RYR1: variants seen among roughly 807,000 people sequenced by gnomAD.
RYR1 encodes central core disease of muscle.
Under a neutral mutation model 583.5 loss-of-function variants are expected in RYR1, and 342 were observed. That is an observed-to-expected ratio of 0.59 (90% CI 0.54 to 0.64). The LOEUF is 0.64. Among genes scored for constraint, RYR1 ranks in the 30% least tolerant of loss-of-function variants. The pLI is 0.00. For missense variants in RYR1, 6,032 were observed against 6,917.2 expected, an observed-to-expected ratio of 0.87 and a Z score of 4.54; for synonymous variants, 2,791 against 2,822.5, an observed-to-expected ratio of 0.99 and a Z score of 0.35.
Position 38,500,087 on chromosome 19 carries a change from A to G in RYR1, c.7323+71A>G. ...GCCGCTTTGAACGCCTCATGCAGGC[A>G]CTCGGTGACACGGAGTGAGCTCCCA... is the stretch of plus-strand genomic sequence containing the variant. On this transcript the variant is annotated intron_variant, in intron 45 of 105. Transcript: ENST00000359596. The surrounding 1 kb of genome is among the most constrained non-coding windows in gnomAD (Gnocchi z 5.9). 7.6e-7 allele frequency: 1 copy of G among 1,322,822 alleles called. No individual in the cohort carries two copies. Among genetic ancestry groups the G allele is most frequent in the South Asian group, 1.2e-5 (1 of 83,728 alleles). The allele number at this position is 1,322,822 out of a possible 1,614,324, so 81.9% of individuals were successfully genotyped here.
intron 64 of RYR1, 34 bp downstream of exon 64, chr19:38,515,141 G>A: frequency 7.1e-7 from 1 of 1,402,062 alleles, no homozygotes; most frequent in South Asian, 1.2e-5. Context: ...GGGGCTGGGT[G>A]GGGCTGGAGG....
At chr19:38,508,332 C>G (rs1970573333) in intron 58 of RYR1, among the ~76,000 whole-genome samples, 1 of 152,136 alleles carries the variant, frequency 6.6e-6, no homozygotes, top group African/African-American at 2.4e-5. Context: ...GCCTCAGCCT[C>G]CTGAGTAGCT....
Position 38,527,710 on chromosome 19 carries a change from G to A in RYR1, c.10750G>A (p.Glu3584Lys), listed in dbSNP as rs1600930723. The change falls in exon 73 of 106, where the codon GAG (glutamate) becomes AAG (lysine). Residue 3584 changes from glutamate (E) to lysine (K), a missense_variant. Transcript: ENST00000359596. The part of the protein sequence containing the change: ...ALYRGVPGRE[E>K]DADDPEKIVR... ...GTACCGGGGCGTCCCGGGTCGCGAG[G>A]AGGACGCCGATGACCCCGAGAAAAT... The A allele has an allele frequency of 1.2e-6, 2 of 1,614,142 alleles. No individual in the cohort carries two copies. The highest frequency in any genetic ancestry group is 1.6e-4 in the Middle Eastern group (1 of 6,062).
chr19:38,557,666 T>C (rs1048061993), intron 89 of RYR1, among the ~76,000 whole-genome samples: 1 of 152,156 alleles, frequency 6.6e-6, no homozygotes, highest in Non-Finnish European at 1.5e-5. Context: ...TAGCTAGGCA[T>C]GGTGGCCTAT....
chr19:38,566,692 C>T (rs1048476942), intron 91 of RYR1, among the ~76,000 whole-genome samples: 2 of 151,976 alleles, frequency 1.3e-5, no homozygotes, highest in Admixed American at 6.6e-5. Flanking sequence ...GGAGTCAGCC[C>T]GACCCTGCGC....
In RYR1 at chr19:38,535,298, CT is replaced by C. The variant is rs1971917941; in HGVS notation, c.11440-17del. The C allele has an allele frequency of 6.2e-7, 1 of 1,613,886 alleles. No individual in the cohort carries two copies. Among genetic ancestry groups the C allele is most frequent in the Non-Finnish European group, 8.5e-7 (1 of 1,179,856 alleles). On this transcript the variant is annotated splice_polypyrimidine_tract_variant and intron_variant, in intron 80 of 105. Coordinates refer to ENST00000359596, the MANE Select transcript of RYR1 (RefSeq NM_000540.3). ...TGTGTGACTCCCAGTTTCTCCTCCC[CT>C]GCCTCGCCCTCTGCAGAAAATGCTG...
Position 38,587,467 on chromosome 19 carries a change from C to T in RYR1, c.*47C>T, listed in dbSNP as rs761501238. The T allele has an allele frequency of 7.2e-7, 1 of 1,389,108 alleles. No individual in the cohort carries two copies. The highest frequency in any genetic ancestry group is 1.0e-6 in the Non-Finnish European group (1 of 975,886). The allele number at this position is 1,389,108 out of a possible 1,614,324, so 86.0% of individuals were successfully genotyped here. A position where few individuals can be genotyped will look rare whatever the true frequency, so the allele number is the denominator to read the frequency against. On this transcript the variant is annotated 3_prime_UTR_variant, in exon 106 of 106. Transcript: ENST00000359596. ...ACCCCCACCTCAAGTGCCTTATTCT[C>T]ACAGCAAGCCCCTTAGTCCCCAAGC... is the stretch of plus-strand genomic sequence containing the variant.
chr19:38,493,896 C>A (rs959491566), intron 38 of RYR1, among the ~76,000 whole-genome samples: 1 of 152,096 alleles, frequency 6.6e-6, no homozygotes, highest in Admixed American at 6.6e-5. Flanking sequence ...TGCTTCTGGT[C>A]GGCTCTGGTA....
intron 33 of RYR1, among the ~76,000 whole-genome samples, chr19:38,484,777 A>T (rs550671009): frequency 5.3e-5 from 8 of 152,274 alleles, no homozygotes; most frequent in African/African-American, 1.9e-4. Context: ...TGAAACCACC[A>T]GGAAGCACAG....
chr19:38,489,551 A>G, intron 35 of RYR1, 108 bp downstream of exon 35: 1 of 1,252,154 alleles, frequency 8.0e-7, no homozygotes, highest in South Asian at 1.2e-5. Flanking sequence ...GGAGCTGTGG[A>G]AATGCATATG....
rs534915806 is a variant in RYR1, at chr19:38,450,109, T to G, written c.1122+1296T>G. 2.6e-5 allele frequency among the ~76,000 whole-genome samples: 4 copies of G among 152,220 alleles called. No individual in the cohort carries two copies. In the East Asian group the frequency reaches 7.7e-4, roughly 29 times the overall value. On this transcript the variant is annotated intron_variant, in intron 11 of 105. Transcript: ENST00000359596. Reference sequence around the variant, plus strand: ...GGCAGGGAAGTGACCTGACGCAGGATCACAGAATTCTTAGGCTGTCTCTGG... The same window carrying G: ...GGCAGGGAAGTGACCTGACGCAGGAGCACAGAATTCTTAGGCTGTCTCTGG...
At chr19:38,575,866 A>G in intron 96 of RYR1, 53 bp from the exon 97 acceptor site, 1 of 1,578,672 alleles carries the variant, frequency 6.3e-7, no homozygotes, top group Non-Finnish European at 8.7e-7. Flanking sequence ...GACAGCTCTG[A>G]TCCCTCTGGC....
chr19:38,496,547 A>C lies in RYR1; in HGVS notation c.6796+6A>C. The C allele has an allele frequency of 6.2e-7, 1 of 1,613,052 alleles. No homozygotes were observed. The highest frequency in any genetic ancestry group is 1.1e-5 in the South Asian group (1 of 91,076). ...GAACAGTGGCATCGGCCTGGGTGAG[A>C]ACCCCCGAGCCCAGGGGCTGTCCCC... On this transcript the variant is annotated splice_donor_region_variant and intron_variant, in intron 41 of 105. Transcript: ENST00000359596. This position sits in a 1 kb window ranked among gnomAD's most constrained non-coding sequence, Gnocchi z 4.8.
rs778411704 is a variant in RYR1 at position 38,483,330 on chromosome 19, G to A, written c.4748G>A (p.Arg1583His). 62 of 1,560,136 alleles carry A rather than the reference G, an allele frequency of 4.0e-5. No homozygotes were observed. Among genetic ancestry groups the A allele is most frequent in the South Asian group, 2.0e-4 (17 of 84,916 alleles). Residue 1583 changes from arginine to histidine, a missense_variant, in exon 33 of 106, where the codon CGC becomes CAC. By Grantham distance (29) the Arg-to-His change is conservative. Transcript: ENST00000359596. This position sits in a 1 kb window ranked among gnomAD's most constrained non-coding sequence, Gnocchi z 6.3. ...PLSAAMFQSE[R>H]KNPAPQCPPR... is the part of the protein sequence containing the mutation. ...TCAGCCGCCATGTTCCAAAGCGAGC[G>A]CAAGAACCCGGCCCCGCAGTGCCCA...
intron 13 of RYR1, among the ~76,000 whole-genome samples, chr19:38,453,590 AAAAT>A (rs1167763654): frequency 1.3e-5 from 2 of 151,834 alleles, no homozygotes; most frequent in Non-Finnish European, 1.5e-5. Flanking sequence ...GGAGATCAAT[AAAAT>A]AAATAAGTAA....
At chr19:38,446,799 G>GA in intron 9 of RYR1, 31 bp downstream of exon 9, 1 of 1,585,412 alleles carries the variant, frequency 6.3e-7, no homozygotes, top group Non-Finnish European at 8.7e-7. Context: ...AGAGACCAGG[G>GA]AGAGGCTGGG....
intron 19 of RYR1, 87 bp from the exon 20 acceptor site, chr19:38,460,288 C>G (rs545036096): frequency 8.0e-7 from 1 of 1,248,676 alleles, no homozygotes; most frequent in Non-Finnish European, 1.2e-6. Flanking sequence ...TTCCATTGAT[C>G]CCAGGACTGC....
rs1481717335 is a variant in RYR1 at position 38,565,164 on chromosome 19, A to C, written c.12830A>C (p.Glu4277Ala). ...AAEAGAEGAE[E>A]GAAGLEGTAA... ...GAGGCGGGCGCGGAAGGCGCGGAGG[A>C]GGGCGCGGCGGGGCTCGAGGGCACG... The change falls in exon 91 of 106, where the codon GAG (glutamate) becomes GCG (alanine). Residue 4277 changes from glutamate (E) to alanine (A), a missense_variant. By Grantham distance (107) the Glu-to-Ala change is moderately radical. Coordinates refer to ENST00000359596, the MANE Select transcript of RYR1 (RefSeq NM_000540.3). The surrounding 1 kb of genome is among the most constrained non-coding windows in gnomAD (Gnocchi z 4.7). 1.4e-6 allele frequency: 2 copies of C among 1,451,076 alleles called. No homozygotes were observed. The highest frequency in any genetic ancestry group is 1.8e-6 in the Non-Finnish European group (2 of 1,100,814). 89.9% of individuals were successfully genotyped at this position (1,451,076 alleles called of 1,614,324 possible).
chr19:38,556,749 A>G (rs1011019644), intron 89 of RYR1, among the ~76,000 whole-genome samples: 1 of 152,112 alleles, frequency 6.6e-6, no homozygotes, highest in Non-Finnish European at 1.5e-5. Context: ...CACTAAGTCT[A>G]TCAGTGGATA....
Sources: gnomAD v4.1 joint callset for allele counts (sites outside exome capture counted in the v4.1 genomes callset) on GRCh38, gnomAD v4.1.1 for gene constraint, Gnocchi (gnomAD v3.1) non-coding constraint, MANE v1.5 for transcripts, NCBI Gene and HGNC (gene_info 2026-07-23, HGNC 2026-07-21) for gene names.